DMXL1: variants seen among roughly 807,000 people sequenced by gnomAD.
DMXL1 encodes the protein Dmx like 1, also known as dmX-like protein 1.
A neutral mutation model predicts 319.2 loss-of-function variants in DMXL1; 99 were observed. The ratio of observed to expected loss-of-function variants is 0.31; its 90% CI spans 0.26 to 0.37. The LOEUF (loss-of-function observed/expected upper bound fraction) is 0.37. Ranked by LOEUF, DMXL1 falls within the 10% of genes least tolerant of loss-of-function variation. The pLI, the probability that DMXL1 is intolerant of heterozygous loss-of-function variation, is 1.00. For synonymous variants in DMXL1, 1,385 were observed against 1,235.2 expected (o/e 1.12, Z -2.54); for missense variants, 3,745 against 3,595.6 (o/e 1.04, Z -1.06).
At chr5:119,224,608 AT>A (rs892235920) in intron 37 of DMXL1, 100 bp from the exon 38 acceptor site, 11 of 442,380 alleles carry the variant, frequency 2.5e-5, no homozygotes, top group African/African-American at 2.1e-4. Flanking sequence ...TTATGAACTC[AT>A]GTAAAAATAA....
chr5:119,077,897 A>G (rs1032605677), intron 1 of DMXL1, among the ~76,000 whole-genome samples: 1 of 140,838 alleles, frequency 7.1e-6, no homozygotes, highest in Non-Finnish European at 1.6e-5. Context: ...ACACACACAC[A>G]CACGTATATA....
rs891786477 is a variant in DMXL1, at chr5:119,182,751, A to G, written c.7135+4507A>G. ...TTTTTTTTGGTGAATTCCACATTAT[A>G]TATTAATGAAGAGTTTGATTTTTCT... On this transcript the variant is annotated intron_variant, in intron 28 of 43. Coordinates refer to ENST00000539542, the MANE Select transcript of DMXL1 (RefSeq NM_001290321.3). 1.7e-4 allele frequency among the ~76,000 whole-genome samples: 26 copies of G among 152,162 alleles called. 1 individual carries two copies. Among genetic ancestry groups the G allele is most frequent in the Admixed American group, 1.7e-3 (26 of 15,276 alleles).
At chr5:119,208,701 C>A (rs987274265) in intron 34 of DMXL1, among the ~76,000 whole-genome samples, 4 of 152,062 alleles carry the variant, frequency 2.6e-5, no homozygotes, top group Admixed American at 2.6e-4. Flanking sequence ...AAAAAAAAAT[C>A]TTTGTAAGGT....
intron 39 of DMXL1, chr5:119,236,238 A>G (rs573652821): frequency 6.6e-6 from 1 of 152,194 alleles, no homozygotes; most frequent in African/African-American, 2.4e-5. Flanking sequence ...ACCCCATGTT[A>G]ACTAAAGTGT....
At chr5:119,117,923 G>A (rs1443911001) in intron 7 of DMXL1, among the ~76,000 whole-genome samples, 1 of 152,140 alleles carries the variant, frequency 6.6e-6, no homozygotes, top group Admixed American at 6.5e-5. Context: ...CCTGCTGATT[G>A]TTCCGTTTTT....
intron 2 of DMXL1, 88 bp from the exon 3 acceptor site, chr5:119,101,847 T>TTA: frequency 1.2e-6 from 1 of 843,886 alleles, no homozygotes; most frequent in Admixed American, 2.8e-5. Flanking sequence ...ATTGGCATAT[T>TTA]TAAAGTTATA....
chr5:119,102,892 C>G lies in DMXL1; in HGVS notation c.285+886C>G, dbSNP rs564753331. Among the ~76,000 whole-genome samples, 4 of 152,104 alleles carry G rather than the reference C, an allele frequency of 2.6e-5. No homozygotes were observed. The South Asian group carries it at 6.2e-4, about 24-fold the overall frequency. Reference sequence around the variant, plus strand: ...GCTAAATGATGAGAAATTATGAACACAAGGAAACAACAGACACTGAGGTCT... The same window carrying G: ...GCTAAATGATGAGAAATTATGAACAGAAGGAAACAACAGACACTGAGGTCT... On this transcript the variant is annotated intron_variant, in intron 3 of 43. Coordinates refer to ENST00000539542, the MANE Select transcript of DMXL1 (RefSeq NM_001290321.3).
chr5:119,099,894 G>A (rs1016187764), intron 2 of DMXL1, among the ~76,000 whole-genome samples: 21 of 152,080 alleles, frequency 1.4e-4, no homozygotes, highest in Admixed American at 2.6e-4. Context: ...CTAGCTACCC[G>A]GGAAGCTGAG....
At chr5:119,111,532 C>T (rs1484340699) in intron 5 of DMXL1, among the ~76,000 whole-genome samples, 1 of 151,998 alleles carries the variant, frequency 6.6e-6, no homozygotes, top group African/African-American at 2.4e-5. Context: ...TGTTATATTG[C>T]TGTTCGACAA....
At chr5:119,102,809 A>G (rs1757541409) in intron 3 of DMXL1, among the ~76,000 whole-genome samples, 1 of 152,166 alleles carries the variant, frequency 6.6e-6, no homozygotes, top group Admixed American at 6.5e-5. Flanking sequence ...AATAAAAATA[A>G]AAGCAAACCG....
intron 1 of DMXL1, among the ~76,000 whole-genome samples, chr5:119,075,285 G>A (rs774227801): frequency 3.4e-5 from 5 of 146,258 alleles, no homozygotes; most frequent in Non-Finnish European, 5.9e-5. Context: ...TATCACCCAG[G>A]CTAGAGTGCA....
chr5:119,072,798 T>A (rs777666282), intron 1 of DMXL1, among the ~76,000 whole-genome samples: 1 of 152,208 alleles, frequency 6.6e-6, no homozygotes, highest in Non-Finnish European at 1.5e-5. Flanking sequence ...GATTGACTCA[T>A]ACACATCTTA....
intron 28 of DMXL1, 100 bp from the exon 29 acceptor site, chr5:119,189,608 G>T: frequency 4.9e-6 from 5 of 1,025,584 alleles, no homozygotes; most frequent in Middle Eastern, 2.7e-4. Flanking sequence ...ATTTTTTTGT[G>T]TGTGCTTATT....
In DMXL1 at chr5:119,247,673, T is replaced by A. The variant is rs1255311183; in HGVS notation, c.*454T>A. ...TCTTAATTAATGATAGGTATTTGAG[T>A]AAGAATGAAAAAAATAATGAACATC... On this transcript the variant is annotated 3_prime_UTR_variant, in exon 44 of 44. Transcript: ENST00000539542. The A allele has an allele frequency of 6.6e-6, 1 of 152,556 alleles. No individual in the cohort carries two copies. Among genetic ancestry groups the A allele is most frequent in the Non-Finnish European group, 1.5e-5 (1 of 68,328 alleles). The allele number at this position is 152,556 out of a possible 1,614,324, so 9.5% of individuals were successfully genotyped here.
At chr5:119,096,365 G>C (rs1020613526) in intron 1 of DMXL1, among the ~76,000 whole-genome samples, 1 of 151,928 alleles carries the variant, frequency 6.6e-6, no homozygotes, top group Non-Finnish European at 1.5e-5. Context: ...TAGTAGAGAC[G>C]GGGTTTCTGC....
chr5:119,109,197 A>C (rs1759027357), intron 4 of DMXL1, among the ~76,000 whole-genome samples: 1 of 152,140 alleles, frequency 6.6e-6, no homozygotes, highest in Non-Finnish European at 1.5e-5. Flanking sequence ...CTGTCTCTGG[A>C]GTTGTTTTCT....
chr5:119,215,072 C>T (rs371022302), intron 34 of DMXL1, among the ~76,000 whole-genome samples: 2 of 152,130 alleles, frequency 1.3e-5, no homozygotes, highest in African/African-American at 4.8e-5. Flanking sequence ...AACGGATGAT[C>T]GGCGTTTTGT....
intron 1 of DMXL1, among the ~76,000 whole-genome samples, chr5:119,090,536 T>C (rs913551608): frequency 4.6e-5 from 7 of 151,698 alleles, no homozygotes; most frequent in Admixed American, 1.3e-4. Context: ...TCATTACTTT[T>C]CTTTTTTGTT....
chr5:119,147,690 C>T (rs1768884840), intron 17 of DMXL1: 1 of 414,280 alleles, frequency 2.4e-6, no homozygotes, highest in Non-Finnish European at 4.3e-6. Context: ...ATTTCTAAAA[C>T]AAATTTTCTT....
Sources: allele counts gnomAD v4.1 joint callset (sites outside exome capture counted in the v4.1 genomes callset), GRCh38; gene constraint gnomAD v4.1.1; transcripts MANE v1.5; gene names NCBI Gene and HGNC (gene_info 2026-07-23, HGNC 2026-07-21).